EML3: variants seen among roughly 807,000 people sequenced by gnomAD.
The protein encoded by EML3 is echinoderm microtubule-associated protein-like 3.
Under a neutral mutation model 106.7 loss-of-function variants are expected in EML3, and 53 were observed. The observed-to-expected ratio is 0.50, with a 90% confidence interval of 0.40 to 0.62. EML3 has a LOEUF of 0.62. EML3 is among the 20% of genes least tolerant of loss of function. The pLI is 0.00. For synonymous variants in EML3, 499 were observed against 489.6 expected (o/e 1.02, Z -0.25); for missense variants, 994 against 1,209.1 (o/e 0.82, Z 2.64).
intron 11 of EML3, 94 bp downstream of exon 11, chr11:62,607,572 G>C (rs947264354): frequency 7.1e-7 from 1 of 1,408,396 alleles, no homozygotes; most frequent in African/African-American, 1.4e-5. Context: ...AGGGGCAGGT[G>C]GGGGTTAGGG....
chr11:62,603,037 G>T, intron 20 of EML3, 112 bp downstream of exon 20: 1 of 1,405,634 alleles, frequency 7.1e-7, no homozygotes, highest in Non-Finnish European at 9.8e-7. Context: ...TCCTGGGCTG[G>T]ATCTTCAGGT....
rs373340389 is a variant in EML3, at chr11:62,608,311, C to A, written c.1111-15G>T. On this transcript the variant is annotated splice_polypyrimidine_tract_variant and intron_variant, in intron 9 of 21. Coordinates refer to ENST00000394773, the MANE Select transcript of EML3 (RefSeq NM_153265.3). ...GCACCCTGATCCTGAAGAAGGGTGA[C>A]ACATAGGAGGTGCAGAGTGAACCCT... is the stretch of plus-strand genomic sequence containing the variant. 6.2e-7 allele frequency: 1 copy of A among 1,611,916 alleles called. No individual in the cohort carries two copies. The highest frequency in any genetic ancestry group is 1.3e-5 in the African/African-American group (1 of 74,886).
chr11:62,606,572 C>A (rs760276315), intron 12 of EML3, among the ~76,000 whole-genome samples: 11 of 152,178 alleles, frequency 7.2e-5, no homozygotes, highest in Non-Finnish European at 1.6e-4. Flanking sequence ...AGGTGGGAAA[C>A]CTGGCTGGGC....
intron 4 of EML3, among the ~76,000 whole-genome samples, chr11:62,610,012 C>T (rs1477019934): frequency 6.6e-6 from 1 of 152,228 alleles, no homozygotes; most frequent in Non-Finnish European, 1.5e-5. Flanking sequence ...GGCTGGAGTG[C>T]AGTGGTGCGA....
intron 10 of EML3, 83 bp downstream of exon 10, chr11:62,608,118 G>A: frequency 7.5e-7 from 1 of 1,329,852 alleles, no homozygotes; most frequent in Non-Finnish European, 1.1e-6. Flanking sequence ...GGAAGGAAAT[G>A]TATGGGTGAG....
chr11:62,611,860 G>C (rs948445330), intron 1 of EML3: 1 of 510,738 alleles, frequency 2.0e-6, no homozygotes, highest in Non-Finnish European at 3.4e-6. Flanking sequence ...ATGGAGTACC[G>C]GGGGGGAAAT....
chr11:62,602,557 A>G lies in EML3; in HGVS notation c.2609T>C (p.Leu870Pro), dbSNP rs1299021932. Residue 870 changes from leucine to proline, a missense_variant, in exon 22 of 22, where the codon CTG becomes CCG. Leu to Pro is a moderately conservative substitution (Grantham distance 98, BLOSUM62 -3). This residue lies in a region of EML3 where 713 missense variants were observed against 920.5 expected (regional missense o/e 0.77). Coordinates refer to ENST00000394773, the MANE Select transcript of EML3 (RefSeq NM_153265.3). ...CGCCGGCCCCGCGCCCCCAGCGCCCAGCACTCGCCACTGGAAGATGCTGGC... is the reference window on the plus strand; with the variant it reads ...CGCCGGCCCCGCGCCCCCAGCGCCCGGCACTCGCCACTGGAAGATGCTGGC... ...KDASIFQWRV[L>P]GAGGAGPAPA... 1 of 1,510,292 alleles carries G rather than the reference A, an allele frequency of 6.6e-7. No individual in the cohort carries two copies. The highest frequency in any genetic ancestry group is 8.9e-7 in the Non-Finnish European group (1 of 1,129,656). The allele number at this position is 1,510,292 out of a possible 1,614,324, so 93.6% of individuals were successfully genotyped here.
chr11:62,611,359 T>G lies in EML3; in HGVS notation c.195-15A>C. The G allele has an allele frequency of 6.2e-7, 1 of 1,613,130 alleles. No individual in the cohort carries two copies. The highest frequency in any genetic ancestry group is 1.1e-5 in the South Asian group (1 of 91,060). ...GGGCTGCAAGACTGCTGGAGAGATG[T>G]TGAATTAACCTGAAGCCCCAGAGGC... On this transcript the variant is annotated splice_polypyrimidine_tract_variant and intron_variant, in intron 2 of 21. Transcript: ENST00000394773.
intron 12 of EML3, 97 bp downstream of exon 12, chr11:62,606,861 A>C (rs1244333596): frequency 1.5e-6 from 2 of 1,342,066 alleles, no homozygotes; most frequent in African/African-American, 3.0e-5. Context: ...CATCTCAAAA[A>C]AAAAAAAAAA....
In EML3 at chr11:62,609,489, AG is replaced by A. The variant is rs747020717; in HGVS notation, c.635-13del. 1.3e-6 allele frequency: 2 copies of A among 1,556,012 alleles called. No homozygotes were observed. The highest frequency in any genetic ancestry group is 1.4e-5 in the African/African-American group (1 of 73,136). On this transcript the variant is annotated splice_polypyrimidine_tract_variant and intron_variant, in intron 5 of 21. Coordinates refer to ENST00000394773, the MANE Select transcript of EML3 (RefSeq NM_153265.3). ...CACTGAGATGCCTTCTACAGAGAAA[AG>A]GGGTGGTGTCAACTACCCCCTTCCA...
At chr11:62,609,573 C>T in intron 5 of EML3, 56 bp downstream of exon 5, 1 of 1,569,772 alleles carries the variant, frequency 6.4e-7, no homozygotes, top group South Asian at 1.2e-5. Flanking sequence ...CCTGGGGCTA[C>T]AGCCCAAATC....
At chr11:62,608,128 G>A in intron 10 of EML3, 73 bp downstream of exon 10, 1 of 1,408,450 alleles carries the variant, frequency 7.1e-7, no homozygotes, top group Non-Finnish European at 1.0e-6. Flanking sequence ...GTATGGGTGA[G>A]TCTGGAGCTC....
chr11:62,602,367 A>T lies in EML3; in HGVS notation c.*108T>A, dbSNP rs1036952426. The stretch of plus-strand genomic sequence containing the variant: ...AAAATGCGCGATCGGGAATGTCTCG[A>T]AGTCAGTCCAGGAAAGAGTCGGCCC... On this transcript the variant is annotated 3_prime_UTR_variant, in exon 22 of 22. Coordinates refer to ENST00000394773, the MANE Select transcript of EML3 (RefSeq NM_153265.3). The T allele has an allele frequency of 6.4e-7, 1 of 1,551,030 alleles. No homozygotes were observed. The highest frequency in any genetic ancestry group is 8.7e-7 in the Non-Finnish European group (1 of 1,146,732).
In EML3 at chr11:62,612,340, G is replaced by C. The variant is rs920348554; in HGVS notation, c.22+96C>G. ...CGGAGCCCCTGGGGCGGAGGAGCAC[G>C]CGGGGACGCCTCCAGACAGCCGTCC... On this transcript the variant is annotated intron_variant, in intron 1 of 21. Transcript: ENST00000394773. The C allele has an allele frequency of 7.1e-6, 9 of 1,270,164 alleles. No individual in the cohort carries two copies. In the African/African-American group the frequency reaches 1.2e-4, roughly 17 times the overall value. The allele number at this position is 1,270,164 out of a possible 1,614,324, so 78.7% of individuals were successfully genotyped here. A position where few individuals can be genotyped will look rare whatever the true frequency, so the allele number is the denominator to read the frequency against.
Position 62,603,768 on chromosome 11 carries a change from A to T in EML3, c.2218T>A (p.Phe740Ile), listed in dbSNP as rs1193934621. Residue 740 changes from phenylalanine (F) to isoleucine (I), a missense_variant, in exon 19 of 22, where the codon TTC becomes ATC. Transcript: ENST00000394773. ...TAGTCCCCAGAATTGGACATGATGA[A>T]ATTCCCATCCTTGGACCAGTCAAGA... Reference protein sequence around the residue: ...THLDWSKDGNFIMSNSGDYEI... With the variant: ...THLDWSKDGNIIMSNSGDYEI... 2 of 1,614,174 alleles carry T rather than the reference A, an allele frequency of 1.2e-6. No individual in the cohort carries two copies. The highest frequency in any genetic ancestry group is 2.7e-5 in the African/African-American group (2 of 75,020).
chr11:62,607,107 G>A lies in EML3; in HGVS notation c.1363-8C>T. On this transcript the variant is annotated splice_region_variant and splice_polypyrimidine_tract_variant and intron_variant, in intron 11 of 21. Coordinates refer to ENST00000394773, the MANE Select transcript of EML3 (RefSeq NM_153265.3). ...CTTGGGTTTCTTGTATTTCTAGTGGGAGGGGAGAGCAGACAGTAGAGGTCA... is the reference window on the plus strand; with the variant it reads ...CTTGGGTTTCTTGTATTTCTAGTGGAAGGGGAGAGCAGACAGTAGAGGTCA... 6.2e-7 allele frequency: 1 copy of A among 1,613,566 alleles called. No homozygotes were observed. The highest frequency in any genetic ancestry group is 1.1e-5 in the South Asian group (1 of 91,072).
At position 62,608,890 on chromosome 11, in the gene EML3, A is replaced by C. The variant is rs552863951; in HGVS notation, c.929+72T>G. ...CTCCAAGCTTGCAGAGCAGCAAGGC[A>C]ACTCTTTTCTCCTGCTTCTCCATCC... On this transcript the variant is annotated intron_variant, in intron 7 of 21. Transcript: ENST00000394773. The C allele has an allele frequency of 1.2e-5, 19 of 1,590,046 alleles. No individual in the cohort carries two copies. The East Asian group carries it at 3.6e-4, about 30-fold the overall frequency.
rs868490145 is a variant in EML3, at chr11:62,606,855, T to C, written c.1504+103A>G. The C allele has an allele frequency of 1.1e-3, 842 of 748,496 alleles. 4 individuals carry two copies. The highest frequency in any genetic ancestry group is 5.0e-3 in the African/African-American group (198 of 39,674). 46.4% of individuals were successfully genotyped at this position (748,496 alleles called of 1,614,324 possible). Reference sequence around the variant, plus strand: ...CTGGGCAACAGAGTAAGACCTCATCTCAAAAAAAAAAAAAAAAAAGATGGG... The same window carrying C: ...CTGGGCAACAGAGTAAGACCTCATCCCAAAAAAAAAAAAAAAAAAGATGGG... On this transcript the variant is annotated intron_variant, in intron 12 of 21. Coordinates refer to ENST00000394773, the MANE Select transcript of EML3 (RefSeq NM_153265.3).
chr11:62,606,904 C>T, intron 12 of EML3, 54 bp downstream of exon 12: 1 of 1,521,750 alleles, frequency 6.6e-7, no homozygotes, highest in Admixed American at 2.1e-5. Flanking sequence ...CTCCTCTGTT[C>T]CCACAGAACC....
Sources: allele counts gnomAD v4.1 joint callset (sites outside exome capture counted in the v4.1 genomes callset), GRCh38; gene constraint gnomAD v4.1.1; regional missense constraint gnomAD v4.1.1; transcripts MANE v1.5; gene names NCBI Gene and HGNC (gene_info 2026-07-23, HGNC 2026-07-21).